CLEC9A: variants seen among roughly 807,000 people sequenced by gnomAD.
The protein encoded by CLEC9A is C-type lectin domain family 9 member A.
Under a neutral mutation model 30.0 loss-of-function variants are expected in CLEC9A, and 24 were observed. The ratio of observed to expected loss-of-function variants is 0.80; its 90% CI spans 0.58 to 1.13. The LOEUF (loss-of-function observed/expected upper bound fraction) is 1.13, where lower values mean the gene tolerates loss of function less well. Ranked by LOEUF, CLEC9A falls within the 50% of genes most tolerant of loss-of-function variation. The pLI, the probability that CLEC9A is intolerant of heterozygous loss-of-function variation, is 0.00. For missense variants in CLEC9A, 251 were observed against 280.9 expected (o/e 0.89, Z 0.76); for synonymous variants, 111 against 96.8 (o/e 1.15, Z -0.86).
At chr12:10,037,913 G>A in intron 1 of CLEC9A, among the ~76,000 whole-genome samples, 1 of 152,118 alleles carries the variant, frequency 6.6e-6, no homozygotes, top group Non-Finnish European at 1.5e-5. Flanking sequence ...ACGTGGGCTG[G>A]TGTGTAGTTG....
rs1217352716 is a variant in CLEC9A, at chr12:10,030,816, T to C, written c.-474T>C. On this transcript the variant is annotated 5_prime_UTR_variant, in exon 1 of 9. Coordinates refer to ENST00000355819, the MANE Select transcript of CLEC9A (RefSeq NM_207345.4). ...CTACCTTGTCCTGAAGAAAACATAC[T>C]CTAAGGCCCACAGATGATTAAACCC... 2.0e-5 allele frequency: 3 copies of C among 152,252 alleles called. No individual in the cohort carries two copies. The highest frequency in any genetic ancestry group is 7.2e-5 in the African/African-American group (3 of 41,462). 9.4% of individuals were successfully genotyped at this position (152,252 alleles called of 1,614,324 possible).
chr12:10,044,479 A>G (rs1049650118), intron 2 of CLEC9A, among the ~76,000 whole-genome samples: 3 of 152,178 alleles, frequency 2.0e-5, no homozygotes, highest in African/African-American at 7.2e-5. Flanking sequence ...ATTGCAGACA[A>G]ATTAGTGGGG....
chr12:10,032,112 G>T (rs952168651), intron 1 of CLEC9A, among the ~76,000 whole-genome samples: 1 of 152,178 alleles, frequency 6.6e-6, no homozygotes. Context: ...TCCAATGCTG[G>T]CAAGGATGTG....
At chr12:10,055,161 T>C (rs1865929393) in intron 5 of CLEC9A, among the ~76,000 whole-genome samples, 1 of 152,228 alleles carries the variant, frequency 6.6e-6, no homozygotes, top group Admixed American at 6.5e-5. Flanking sequence ...TCAGTAATTG[T>C]TACTTCGTCT....
chr12:10,033,840 A>C (rs1865721421), intron 1 of CLEC9A, among the ~76,000 whole-genome samples: 1 of 152,226 alleles, frequency 6.6e-6, no homozygotes, highest in African/African-American at 2.4e-5. Context: ...TAGTACCCAG[A>C]GAATGGCCAG....
chr12:10,057,351 T>A (rs1341083408), intron 5 of CLEC9A, among the ~76,000 whole-genome samples: 2 of 151,888 alleles, frequency 1.3e-5, no homozygotes, highest in African/African-American at 4.8e-5. Context: ...CATATATATT[T>A]TTTAAATAGG....
intron 2 of CLEC9A, among the ~76,000 whole-genome samples, chr12:10,047,089 C>G (rs920345325): frequency 6.6e-6 from 1 of 152,074 alleles, no homozygotes; most frequent in Non-Finnish European, 1.5e-5. Flanking sequence ...TATCAATAAA[C>G]AAGCAGATTT....
At chr12:10,051,208 A>G (rs1865890126) in intron 2 of CLEC9A, among the ~76,000 whole-genome samples, 1 of 151,942 alleles carries the variant, frequency 6.6e-6, no homozygotes, top group Admixed American at 6.6e-5. Context: ...TCTGTCTAAA[A>G]AAAAAAAAAA....
intron 1 of CLEC9A, among the ~76,000 whole-genome samples, chr12:10,034,731 C>T (rs1865729768): frequency 6.6e-6 from 1 of 152,164 alleles, no homozygotes; most frequent in South Asian, 2.1e-4. Context: ...GCTACTCAGA[C>T]CTCTAGGGGA....
At position 10,046,769 on chromosome 12, in the gene CLEC9A, C is replaced by A. The variant is rs910451791; in HGVS notation, c.-163+5149C>A. 5.3e-5 allele frequency among the ~76,000 whole-genome samples: 8 copies of A among 152,144 alleles called. No individual in the cohort carries two copies. The East Asian group carries it at 1.5e-3, about 29-fold the overall frequency. The stretch of plus-strand genomic sequence containing the variant: ...GGACACACAGAGACGTGGGTTTTTA[C>A]AAGCACCATGACATAATTCTTGTAG... On this transcript the variant is annotated intron_variant, in intron 2 of 8. Coordinates refer to ENST00000355819, the MANE Select transcript of CLEC9A (RefSeq NM_207345.4).
chr12:10,051,245 A>C (rs1473083622), intron 2 of CLEC9A, among the ~76,000 whole-genome samples: 1 of 151,964 alleles, frequency 6.6e-6, no homozygotes, highest in Non-Finnish European at 1.5e-5. Context: ...AATAAATAAA[A>C]TTTGCTGGAT....
intron 2 of CLEC9A, among the ~76,000 whole-genome samples, chr12:10,048,720 A>G (rs4763430): frequency 0.95 from 145,297 of 152,268 alleles, 69,698 homozygotes; most frequent in East Asian, 1. Flanking sequence ...TCCACTTCCA[A>G]TTCTAGTTCT....
At chr12:10,054,428 T>A in intron 5 of CLEC9A, 77 bp downstream of exon 5, 1 of 932,410 alleles carries the variant, frequency 1.1e-6, no homozygotes, top group Non-Finnish European at 1.6e-6. Flanking sequence ...GGATGGAAAA[T>A]CAATTCATAT....
At chr12:10,033,638 T>C (rs1344730096) in intron 1 of CLEC9A, among the ~76,000 whole-genome samples, 5 of 152,202 alleles carry the variant, frequency 3.3e-5, no homozygotes, top group African/African-American at 1.2e-4. Context: ...TGTCAGAAAA[T>C]ATTGTTCACC....
At chr12:10,063,828 T>C (rs934256142) in intron 7 of CLEC9A, among the ~76,000 whole-genome samples, 5 of 152,260 alleles carry the variant, frequency 3.3e-5, no homozygotes, top group Non-Finnish European at 5.9e-5. Flanking sequence ...GCCAACACGG[T>C]GAAACCCTGT....
chr12:10,064,121 TA>T (rs1351943471), intron 7 of CLEC9A, among the ~76,000 whole-genome samples: 1 of 152,150 alleles, frequency 6.6e-6, no homozygotes, highest in Non-Finnish European at 1.5e-5. Context: ...TTTGGCCCTA[TA>T]AAAAATGTAT....
intron 1 of CLEC9A, among the ~76,000 whole-genome samples, chr12:10,038,090 C>G (rs35700984): frequency 5.0e-4 from 76 of 152,286 alleles, no homozygotes; most frequent in South Asian, 3.5e-3. Context: ...CTGGGAACCA[C>G]TGAATATTTT....
chr12:10,035,027 A>G (rs1051409272), intron 1 of CLEC9A, among the ~76,000 whole-genome samples: 7 of 152,192 alleles, frequency 4.6e-5, no homozygotes, highest in Non-Finnish European at 8.8e-5. Flanking sequence ...GGTGGAGCCA[A>G]AAGGGTGATG....
intron 7 of CLEC9A, 143 bp from the exon 8 acceptor site, chr12:10,064,589 C>CT: frequency 2.3e-6 from 2 of 857,238 alleles, no homozygotes; most frequent in Non-Finnish European, 3.4e-6. Context: ...TGTATCGGCA[C>CT]TTTTTTATAA....
Sources: gnomAD v4.1 joint callset for allele counts (sites outside exome capture counted in the v4.1 genomes callset) on GRCh38, gnomAD v4.1.1 for gene constraint, MANE v1.5 for transcripts, NCBI Gene and HGNC (gene_info 2026-07-23, HGNC 2026-07-21) for gene names.